Variants in SGCZ observed in about 807,000 individuals in gnomAD.
SGCZ encodes the protein zeta-sarcoglycan.
In SGCZ, 40 loss-of-function variants were observed where a neutral mutation model predicts 41.3. That is an observed-to-expected ratio of 0.97 (90% CI 0.75 to 1.26). SGCZ has a LOEUF of 1.26. Ranked by LOEUF, SGCZ falls within the 50% of genes most tolerant of loss-of-function variation. The pLI is 0.00. For synonymous variants in SGCZ, 206 were observed against 137.5 expected (o/e 1.50, Z -3.49); for missense variants, 552 against 369.8 (o/e 1.49, Z -4.04).
chr8:14,228,165 G>T (rs1360593262), intron 4 of SGCZ, among the ~76,000 whole-genome samples: 1 of 152,014 alleles, frequency 6.6e-6, no homozygotes, highest in African/African-American at 2.4e-5. Context: ...CCAAAGACAT[G>T]TTTCTTATCA....
intron 1 of SGCZ, among the ~76,000 whole-genome samples, chr8:14,563,602 T>C (rs1804272225): frequency 6.6e-6 from 1 of 152,216 alleles, no homozygotes; most frequent in South Asian, 2.1e-4. Flanking sequence ...TTTGCTTCTT[T>C]ATAACCCTGT....
At chr8:15,074,468 T>G (rs1563486822) in intron 1 of SGCZ, among the ~76,000 whole-genome samples, 1 of 152,152 alleles carries the variant, frequency 6.6e-6, no homozygotes, top group Non-Finnish European at 1.5e-5. Flanking sequence ...ATTAGTTTAT[T>G]CTCCTTAGTC....
At chr8:14,215,052 A>G (rs1204682445) in intron 4 of SGCZ, among the ~76,000 whole-genome samples, 1 of 152,186 alleles carries the variant, frequency 6.6e-6, no homozygotes, top group Admixed American at 6.5e-5. Context: ...TCACTAAACA[A>G]AATTCAGACA....
At chr8:14,678,161 A>C (rs761967455) in intron 1 of SGCZ, among the ~76,000 whole-genome samples, 2 of 152,256 alleles carry the variant, frequency 1.3e-5, no homozygotes, top group African/African-American at 4.8e-5. Context: ...CAACAAAGAC[A>C]TAATCCATGG....
intron 3 of SGCZ, among the ~76,000 whole-genome samples, chr8:14,256,908 G>A (rs940265452): frequency 5.9e-5 from 9 of 151,928 alleles, no homozygotes; most frequent in Non-Finnish European, 1.0e-4. Flanking sequence ...CACCATTACG[G>A]CCAGAACACT....
chr8:14,846,062 A>G (rs1803089740), intron 1 of SGCZ, among the ~76,000 whole-genome samples: 1 of 152,316 alleles, frequency 6.6e-6, no homozygotes, highest in African/African-American at 2.4e-5. Context: ...AAGAAGAAAT[A>G]GACAAATATA....
chr8:14,351,830 G>T lies in SGCZ; in HGVS notation c.235-27626C>A, dbSNP rs567528467. On this transcript the variant is annotated intron_variant, in intron 2 of 7. Transcript: ENST00000382080. ...CTTTTCAGCTTTTGCTTTATCTCAAGAATAGGCATAAAAGCTAAGCATTGG... is the reference window on the plus strand; with the variant it reads ...CTTTTCAGCTTTTGCTTTATCTCAATAATAGGCATAAAAGCTAAGCATTGG... Among the ~76,000 whole-genome samples the T allele has an allele frequency of 8.5e-5, 13 of 152,060 alleles. No homozygotes were observed. In the South Asian group the frequency reaches 2.1e-3, roughly 24 times the overall value.
intron 1 of SGCZ, among the ~76,000 whole-genome samples, chr8:14,603,591 T>C (rs1473943266): frequency 6.6e-6 from 1 of 152,196 alleles, no homozygotes; most frequent in African/African-American, 2.4e-5. Context: ...TTAGGGTTTT[T>C]TTAAAATAAA....
intron 1 of SGCZ, among the ~76,000 whole-genome samples, chr8:14,757,371 G>A (rs1482206097): frequency 6.6e-6 from 1 of 152,104 alleles, no homozygotes. Flanking sequence ...TTTAACTTTA[G>A]CTTTTCTCTA....
chr8:14,492,557 C>T (rs1171658855), intron 2 of SGCZ, among the ~76,000 whole-genome samples: 2 of 152,078 alleles, frequency 1.3e-5, no homozygotes, highest in Non-Finnish European at 2.9e-5. Context: ...ACAAGATTTA[C>T]GAAGAAAAGT....
At chr8:15,226,638 T>G (rs1801784286) in intron 1 of SGCZ, among the ~76,000 whole-genome samples, 1 of 152,154 alleles carries the variant, frequency 6.6e-6, no homozygotes, top group Non-Finnish European at 1.5e-5. Context: ...TATTCTAAAA[T>G]GACTTGTGAA....
chr8:14,930,156 C>T (rs1216170754), intron 1 of SGCZ, among the ~76,000 whole-genome samples: 1 of 151,954 alleles, frequency 6.6e-6, no homozygotes, highest in Admixed American at 6.5e-5. Flanking sequence ...AAACAAACAA[C>T]CCCATCAAAA....
chr8:14,191,610 C>T (rs1442383679), intron 4 of SGCZ, among the ~76,000 whole-genome samples: 1 of 152,132 alleles, frequency 6.6e-6, no homozygotes, highest in African/African-American at 2.4e-5. Context: ...CTCAAACACA[C>T]CTGGCTGCAA....
intron 1 of SGCZ, among the ~76,000 whole-genome samples, chr8:14,831,718 A>C (rs1802534907): frequency 6.6e-6 from 1 of 151,976 alleles, no homozygotes; most frequent in Non-Finnish European, 1.5e-5. Flanking sequence ...TTTCTAAAAA[A>C]CGTCTTTGAA....
chr8:14,182,538 G>A (rs533257369), intron 4 of SGCZ, among the ~76,000 whole-genome samples: 1 of 152,204 alleles, frequency 6.6e-6, no homozygotes, highest in Admixed American at 6.5e-5. Flanking sequence ...TCATTCTTTG[G>A]TCTCTGCTCC....
intron 1 of SGCZ, among the ~76,000 whole-genome samples, chr8:15,158,302 C>T (rs951816152): frequency 6.6e-6 from 1 of 152,242 alleles, no homozygotes; most frequent in Non-Finnish European, 1.5e-5. Flanking sequence ...GGCCAAAACC[C>T]CTACCCTAAA....
At chr8:14,180,062 C>T (rs1314080867) in intron 4 of SGCZ, among the ~76,000 whole-genome samples, 1 of 152,106 alleles carries the variant, frequency 6.6e-6, no homozygotes, top group African/African-American at 2.4e-5. Context: ...GAGAATGGTA[C>T]CTGCAGGGTT....
At chr8:14,639,720 A>T (rs954969574) in intron 1 of SGCZ, among the ~76,000 whole-genome samples, 1 of 151,792 alleles carries the variant, frequency 6.6e-6, no homozygotes, top group Admixed American at 6.6e-5. Context: ...CCAGAGCTTT[A>T]TCAGAATAAA....
chr8:14,961,293 T>C (rs201779915), intron 1 of SGCZ, among the ~76,000 whole-genome samples: 2 of 152,142 alleles, frequency 1.3e-5, no homozygotes, highest in East Asian at 3.9e-4. Context: ...TACTGACCTG[T>C]TGTTTACTGT....
Sources: allele counts gnomAD v4.1 joint callset (sites outside exome capture counted in the v4.1 genomes callset), GRCh38; gene constraint gnomAD v4.1.1; transcripts MANE v1.5; gene names NCBI Gene and HGNC (gene_info 2026-07-23, HGNC 2026-07-21).